The following CENPE variants were observed in gnomAD, a reference collection of about 807,000 sequenced individuals.
CENPE encodes centromere-associated protein E.
Under a neutral mutation model 336.1 loss-of-function variants are expected in CENPE, and 145 were observed. That is an observed-to-expected ratio of 0.43 (90% confidence interval 0.38 to 0.50). The LOEUF (loss-of-function observed/expected upper bound fraction) is 0.50, where lower values mean the gene tolerates loss of function less well. CENPE is among the 20% of genes least tolerant of loss of function. CENPE has a pLI of 0.00. For missense variants in CENPE, 2,719 were observed against 3,023.3 expected (o/e 0.90, Z 2.36); for synonymous variants, 1,013 against 984.8 (o/e 1.03, Z -0.54).
At chr4:103,123,362 C>T (rs1750809829) in intron 42 of CENPE, among the ~76,000 whole-genome samples, 1 of 151,924 alleles carries the variant, frequency 6.6e-6, no homozygotes, top group Admixed American at 6.6e-5. Context: ...TGATAGCCAC[C>T]CTGATTATCC....
intron 28 of CENPE, 118 bp downstream of exon 28, chr4:103,148,726 C>G (rs1753277108): frequency 1.1e-6 from 1 of 944,464 alleles, no homozygotes; most frequent in Non-Finnish European, 1.6e-6. Context: ...AAACACTCGA[C>G]AAATACTTAC....
At position 103,144,317 on chromosome 4, in the gene CENPE, AG is replaced by A; in HGVS notation, c.5145+13del. 6.3e-7 allele frequency: 1 copy of A among 1,577,698 alleles called. No homozygotes were observed. The highest frequency in any genetic ancestry group is 8.6e-7 in the Non-Finnish European group (1 of 1,161,190). On this transcript the variant is annotated intron_variant, in intron 33 of 48. Transcript: ENST00000265148. ...TGTCATAGTTACTAGAGGTGTAGAG[AG>A]ATGGTAACTCACTCTAGTTATAGTT... is the stretch of plus-strand genomic sequence containing the variant.
rs766488564 is a variant in CENPE, at chr4:103,163,237, A to T, written c.1742T>A (p.Val581Glu). 3 of 1,608,622 alleles carry T rather than the reference A, an allele frequency of 1.9e-6. No individual in the cohort carries two copies. The South Asian group carries it at 3.3e-5, about 18-fold the overall frequency. The part of the protein sequence containing the change: ...QDLENELSSK[V>E]ELLREKEDQI... The stretch of plus-strand genomic sequence containing the variant: ...GTCTTCCTTTTCTCTAAGCAGCTCT[A>T]CTTTTGAACTGAGTTCATTCTAAAA... Residue 581 changes from valine to glutamate, a missense_variant, in exon 18 of 49, where the codon GTA becomes GAA. Coordinates refer to ENST00000265148, the MANE Select transcript of CENPE (RefSeq NM_001813.3).
intron 11 of CENPE, 113 bp downstream of exon 11, chr4:103,182,649 C>T (rs1486891790): frequency 1.9e-5 from 15 of 785,588 alleles, no homozygotes; most frequent in East Asian, 8.3e-5. Context: ...GACAACATAT[C>T]GATTATAACA....
rs1248194360 is a variant in CENPE at position 103,146,154 on chromosome 4, G to A, written c.4135-47C>T. Reference sequence around the variant, plus strand: ...TACAGTTGATATCCAGAGATATTGTGTTTTAGGGGAAAATAAATCAGGATG... The same window carrying A: ...TACAGTTGATATCCAGAGATATTGTATTTTAGGGGAAAATAAATCAGGATG... On this transcript the variant is annotated intron_variant, in intron 29 of 48. Transcript: ENST00000265148. 3 of 1,535,642 alleles carry A rather than the reference G, an allele frequency of 2.0e-6. No homozygotes were observed. In the African/African-American group the frequency reaches 4.2e-5, roughly 21 times the overall value.
At position 103,194,788 on chromosome 4, in the gene CENPE, A is replaced by C; in HGVS notation, c.478-104T>G. 4.9e-6 allele frequency: 4 copies of C among 810,748 alleles called. No homozygotes were observed. The South Asian group carries it at 8.2e-5, about 17-fold the overall frequency. 50.2% of individuals were successfully genotyped at this position (810,748 alleles called of 1,614,324 possible). On this transcript the variant is annotated intron_variant, in intron 5 of 48. Transcript: ENST00000265148. ...ATAGAATTCATTTGTGAAAGTTAAA[A>C]GTGGCAAATGGAACCATAATTCTGT...
chr4:103,162,922 C>A (rs1243789240), intron 18 of CENPE, among the ~76,000 whole-genome samples: 1 of 152,130 alleles, frequency 6.6e-6, no homozygotes, highest in African/African-American at 2.4e-5. Flanking sequence ...CAAAGGATGA[C>A]ATGATCAACT....
rs1189277464 is a variant in CENPE at position 103,163,514 on chromosome 4, C to T, written c.1687G>A (p.Val563Ile). 1 of 1,589,072 alleles carries T rather than the reference C, an allele frequency of 6.3e-7. No homozygotes were observed. Among genetic ancestry groups the T allele is most frequent in the South Asian group, 1.1e-5 (1 of 87,256 alleles). The change falls in exon 17 of 49, where the codon GTT becomes ATT. Residue 563 changes from valine to isoleucine, a missense_variant. By Grantham distance (29) the Val-to-Ile change is conservative. Around this residue, in one of 5 missense-constraint regions of CENPE, gnomAD observed 2,437 missense variants for 2,513.3 expected, o/e 0.97. Transcript: ENST00000265148. The part of the protein sequence containing the change: ...IHEISNLKNL[V>I]KHAEVYNQDL... ...TGATTATATACTTCTGCATGCTTAACTAAATTCTTTAAGTTCGAAATTTCA... is the reference window on the plus strand; with the variant it reads ...TGATTATATACTTCTGCATGCTTAATTAAATTCTTTAAGTTCGAAATTTCA...
chr4:103,189,462 C>A (rs1352420041), intron 8 of CENPE, among the ~76,000 whole-genome samples: 1 of 152,172 alleles, frequency 6.6e-6, no homozygotes, highest in Admixed American at 6.5e-5. Flanking sequence ...TGGGCTTCAT[C>A]TCTGGGATGC....
chr4:103,129,346 T>C (rs1031083525), intron 42 of CENPE, among the ~76,000 whole-genome samples: 4 of 152,138 alleles, frequency 2.6e-5, no homozygotes, highest in East Asian at 1.9e-4. Flanking sequence ...TTCTAGAAGA[T>C]AGAAACGGAA....
At chr4:103,194,985 C>CA (rs1757630545) in intron 5 of CENPE, 129 bp downstream of exon 5, 9 of 796,528 alleles carry the variant, frequency 1.1e-5, no homozygotes, top group South Asian at 9.7e-5. Flanking sequence ...ATAAATACTT[C>CA]AAAAAAACCC....
chr4:103,161,531 T>G, intron 18 of CENPE, 74 bp from the exon 19 acceptor site: 1 of 1,345,978 alleles, frequency 7.4e-7, no homozygotes. Context: ...AGAACATGTA[T>G]ATAAATGTTA....
intron 8 of CENPE, among the ~76,000 whole-genome samples, chr4:103,186,926 T>C (rs952088634): frequency 6.6e-6 from 1 of 152,064 alleles, no homozygotes; most frequent in Non-Finnish European, 1.5e-5. Flanking sequence ...CAGAATGTGC[T>C]CAGTGTGTTC....
At chr4:103,151,434 C>T (rs1578616445) in intron 25 of CENPE, 57 bp from the exon 26 acceptor site, 6 of 1,255,734 alleles carry the variant, frequency 4.8e-6, no homozygotes, top group African/African-American at 4.7e-5. Flanking sequence ...TTTATGAAAT[C>T]AGGTAAAACA....
Position 103,177,023 on chromosome 4 carries a change from A to C in CENPE, c.1266T>G (p.Thr422=), listed in dbSNP as rs376006343. 2 of 1,608,520 alleles carry C rather than the reference A, an allele frequency of 1.2e-6. No homozygotes were observed. Among genetic ancestry groups the C allele is most frequent in the Non-Finnish European group, 1.7e-6 (2 of 1,178,366 alleles). ...TTTTGTTAATTTTGCCAAGGCACCA[A>C]GTAACTCTTCGTTTTCTTTTAGCCT... ...ELKAKRKRRV[T]WCLGKINKMK... The change falls in exon 14 of 49, where the codon ACT becomes ACG. Residue 422 remains threonine, a synonymous_variant. Transcript: ENST00000265148.
In CENPE at chr4:103,188,332, C is replaced by A. The variant is rs1306582898; in HGVS notation, c.694-2471G>T. 3.3e-5 allele frequency among the ~76,000 whole-genome samples: 5 copies of A among 152,218 alleles called. No individual in the cohort carries two copies. In the East Asian group the frequency reaches 9.6e-4, roughly 29 times the overall value. ...TATAGAACTCTCCACCCCAAATCAA[C>A]AGAATATACATTCTTCTCAGCACAT... On this transcript the variant is annotated intron_variant, in intron 8 of 48. Coordinates refer to ENST00000265148, the MANE Select transcript of CENPE (RefSeq NM_001813.3).
intron 48 of CENPE, among the ~76,000 whole-genome samples, chr4:103,108,180 C>A (rs1480473000): frequency 6.6e-6 from 1 of 151,984 alleles, no homozygotes; most frequent in Non-Finnish European, 1.5e-5. Flanking sequence ...TTTCCTTCCT[C>A]AATACTCCTC....
At chr4:103,191,717 T>C (rs11733939) in intron 8 of CENPE, among the ~76,000 whole-genome samples, 24,148 of 151,450 alleles carry the variant, frequency 0.16, 2,302 homozygotes, top group Non-Finnish European at 0.2. Context: ...ATGGGTGCAG[T>C]ATACCAACAT....
intron 9 of CENPE, among the ~76,000 whole-genome samples, chr4:103,183,637 C>T (rs1265715686): frequency 6.6e-6 from 1 of 152,114 alleles, no homozygotes; most frequent in Admixed American, 6.5e-5. Context: ...TATGAACTTA[C>T]AACCAAATTA....
Sources: allele counts gnomAD v4.1 joint callset (sites outside exome capture counted in the v4.1 genomes callset), GRCh38; gene constraint gnomAD v4.1.1; regional missense constraint gnomAD v4.1.1; transcripts MANE v1.5; gene names NCBI Gene and HGNC (gene_info 2026-07-23, HGNC 2026-07-21).